Variants in CAPSL observed in about 807,000 individuals in gnomAD.
The protein encoded by CAPSL is calcyphosine like.
In CAPSL, 17 loss-of-function variants were observed where a neutral mutation model predicts 21.3. The ratio of observed to expected loss-of-function variants is 0.80; its 90% confidence interval spans 0.55 to 1.20. The LOEUF is 1.20. Ranked by LOEUF, CAPSL falls within the 50% of genes most tolerant of loss-of-function variation. CAPSL has a pLI of 0.00. For missense variants in CAPSL, 289 were observed against 259.3 expected (o/e 1.11, Z -0.79); for synonymous variants, 102 against 89.3 (o/e 1.14, Z -0.80).
chr5:35,920,188 A>C (rs1033850211), intron 2 of CAPSL, among the ~76,000 whole-genome samples: 4 of 152,142 alleles, frequency 2.6e-5, no homozygotes, highest in African/African-American at 9.7e-5. Flanking sequence ...TTCTGGGTCC[A>C]AGGCTAGATT....
At chr5:35,927,036 G>A (rs971930741) in intron 1 of CAPSL, among the ~76,000 whole-genome samples, 1 of 152,222 alleles carries the variant, frequency 6.6e-6, no homozygotes, top group African/African-American at 2.4e-5. Flanking sequence ...GACAGCAAAT[G>A]TGGTGTAGAT....
chr5:35,929,843 G>C (rs1034504026), intron 1 of CAPSL, among the ~76,000 whole-genome samples: 39 of 152,158 alleles, frequency 2.6e-4, no homozygotes, highest in African/African-American at 9.4e-4. Context: ...CCTTGCTTGG[G>C]TTTTCAAATC....
intron 2 of CAPSL, among the ~76,000 whole-genome samples, chr5:35,911,997 G>A (rs1211044391): frequency 2.6e-5 from 4 of 152,142 alleles, no homozygotes; most frequent in African/African-American, 4.8e-5. Flanking sequence ...CTGGAAAATC[G>A]GGTCAGTCCC....
intron 4 of CAPSL, among the ~76,000 whole-genome samples, chr5:35,909,325 C>T (rs2149916694): frequency 6.6e-6 from 1 of 152,254 alleles, no homozygotes; most frequent in Non-Finnish European, 1.5e-5. Flanking sequence ...AGAGTAAATT[C>T]TGTTATTTGA....
At chr5:35,909,107 A>C (rs1173959212) in intron 4 of CAPSL, among the ~76,000 whole-genome samples, 1 of 151,272 alleles carries the variant, frequency 6.6e-6, no homozygotes, top group Non-Finnish European at 1.5e-5. Context: ...TTTTCTAAAA[A>C]GTCAATTTAG....
At chr5:35,926,810 C>A (rs576959894) in intron 1 of CAPSL, among the ~76,000 whole-genome samples, 2 of 152,302 alleles carry the variant, frequency 1.3e-5, no homozygotes, top group South Asian at 2.1e-4. Flanking sequence ...CTCTTTGTTG[C>A]AAAATCCAAT....
intron 2 of CAPSL, among the ~76,000 whole-genome samples, chr5:35,914,953 A>G (rs1175238471): frequency 1.3e-5 from 2 of 152,242 alleles, no homozygotes; most frequent in East Asian, 1.9e-4. Flanking sequence ...CAAAATTGAT[A>G]GAACTCTAGC....
At chr5:35,914,195 G>A (rs1018908721) in intron 2 of CAPSL, among the ~76,000 whole-genome samples, 7 of 152,074 alleles carry the variant, frequency 4.6e-5, no homozygotes, top group African/African-American at 1.2e-4. Flanking sequence ...ACAAGAGCAC[G>A]CAGATTCATA....
chr5:35,907,208 T>A (rs908066129), intron 4 of CAPSL, among the ~76,000 whole-genome samples: 1 of 152,116 alleles, frequency 6.6e-6, no homozygotes, highest in Non-Finnish European at 1.5e-5. Flanking sequence ...GTAATGGAAG[T>A]CACAATACAA....
intron 1 of CAPSL, among the ~76,000 whole-genome samples, chr5:35,937,538 T>C (rs1366196812): frequency 1.3e-5 from 2 of 152,186 alleles, no homozygotes. Context: ...TGTGGTGAAG[T>C]CCAAATAGCA....
At chr5:35,921,623 T>C (rs1185558688) in intron 1 of CAPSL, among the ~76,000 whole-genome samples, 1 of 152,212 alleles carries the variant, frequency 6.6e-6, no homozygotes, top group Non-Finnish European at 1.5e-5. Flanking sequence ...CACAGGTTAG[T>C]ATCCACTAAC....
chr5:35,907,263 A>G (rs530883799), intron 4 of CAPSL, among the ~76,000 whole-genome samples: 4 of 152,124 alleles, frequency 2.6e-5, no homozygotes, highest in Non-Finnish European at 5.9e-5. Flanking sequence ...TCCTAAAACA[A>G]ATCTAGGTTA....
chr5:35,906,891 G>A (rs989178114), intron 4 of CAPSL, among the ~76,000 whole-genome samples: 2 of 152,142 alleles, frequency 1.3e-5, no homozygotes, highest in East Asian at 1.9e-4. Flanking sequence ...TCAAGCCAGA[G>A]GTCAGAGCTA....
At chr5:35,916,309 A>G (rs1378854531) in intron 2 of CAPSL, among the ~76,000 whole-genome samples, 4 of 152,252 alleles carry the variant, frequency 2.6e-5, no homozygotes, top group Non-Finnish European at 4.4e-5. Context: ...TATAGATTCA[A>G]TGCCATCCCC....
At chr5:35,906,752 T>C (rs1760687544) in intron 4 of CAPSL, among the ~76,000 whole-genome samples, 1 of 152,196 alleles carries the variant, frequency 6.6e-6, no homozygotes, top group Admixed American at 6.5e-5. Flanking sequence ...CACCCATCCT[T>C]CCATCCCAAA....
chr5:35,936,629 C>G (rs951987084), intron 1 of CAPSL, among the ~76,000 whole-genome samples: 2 of 152,122 alleles, frequency 1.3e-5, no homozygotes, highest in African/African-American at 2.4e-5. Context: ...TTTTAACACC[C>G]TTTCTCTCAA....
chr5:35,937,815 A>G (rs1441931207), intron 1 of CAPSL, among the ~76,000 whole-genome samples: 1 of 138,226 alleles, frequency 7.2e-6, no homozygotes, highest in Non-Finnish European at 1.5e-5. Context: ...TTGTGGTTGT[A>G]GGATTTGAGG....
intron 1 of CAPSL, among the ~76,000 whole-genome samples, chr5:35,935,074 A>C (rs560557021): frequency 5.3e-5 from 8 of 152,304 alleles, no homozygotes; most frequent in African/African-American, 1.7e-4. Flanking sequence ...AGCACAGCCT[A>C]GCTGGACAAA....
intron 2 of CAPSL, among the ~76,000 whole-genome samples, chr5:35,912,674 A>C (rs1406874719): frequency 1.3e-5 from 2 of 152,262 alleles, no homozygotes; most frequent in African/African-American, 4.8e-5. Context: ...GAAAACTAAC[A>C]AACAGATAGG....
Sources: gnomAD v4.1 joint callset for allele counts (sites outside exome capture counted in the v4.1 genomes callset) on GRCh38, gnomAD v4.1.1 for gene constraint, MANE v1.5 for transcripts, NCBI Gene and HGNC (gene_info 2026-07-23, HGNC 2026-07-21) for gene names.